The following TRAPPC11 variants were observed in gnomAD, a reference collection of about 807,000 sequenced individuals.
TRAPPC11 encodes foie gras homolog.
Under a neutral mutation model 151.2 loss-of-function variants are expected in TRAPPC11, and 104 were observed. That is an observed-to-expected ratio of 0.69 (90% confidence interval 0.59 to 0.81). The LOEUF (loss-of-function observed/expected upper bound fraction) is 0.81. Ranked by LOEUF, TRAPPC11 falls within the 30% of genes least tolerant of loss-of-function variation. The pLI, the probability that TRAPPC11 is intolerant of heterozygous loss-of-function variation, is 0.00. For synonymous variants in TRAPPC11, 456 were observed against 472.3 expected (o/e 0.97, Z 0.45); for missense variants, 1,230 against 1,349.6 (o/e 0.91, Z 1.39).
chr4:183,670,203 A>G (rs1579165373), intron 5 of TRAPPC11, among the ~76,000 whole-genome samples: 1 of 152,214 alleles, frequency 6.6e-6, no homozygotes, highest in Admixed American at 6.5e-5. Flanking sequence ...TTACCTATAC[A>G]TGCTACAATG....
intron 5 of TRAPPC11, among the ~76,000 whole-genome samples, chr4:183,671,017 A>G (rs1660024544): frequency 6.6e-6 from 1 of 152,130 alleles, no homozygotes; most frequent in Non-Finnish European, 1.5e-5. Flanking sequence ...GGCGTGAGCC[A>G]CCATGCCTGG....
rs1736255602 is a variant in TRAPPC11, at chr4:183,691,462, G to T, written c.2040G>T (p.Lys680Asn). 2 of 1,493,276 alleles carry T rather than the reference G, an allele frequency of 1.3e-6. No homozygotes were observed. Among genetic ancestry groups the T allele is most frequent in the Non-Finnish European group, 1.8e-6 (2 of 1,105,818 alleles). The allele number at this position is 1,493,276 out of a possible 1,614,324, so 92.5% of individuals were successfully genotyped here. A position where few individuals can be genotyped will look rare whatever the true frequency, so the allele number is the denominator to read the frequency against. Residue 680 changes from lysine (K) to asparagine (N), a missense_variant, in exon 19 of 30, where the codon AAG (lysine) becomes AAT (asparagine). Transcript: ENST00000334690. ...TTGCAAAAACTGAAGATGTGGGAAA[G>T]AAAATTGAGGTTAGTTATGAAATTT... Reference protein sequence around the residue: ...KFVAKTEDVGKKIEITSVDLA... With the variant: ...KFVAKTEDVGNKIEITSVDLA...
At chr4:183,692,099 A>G (rs1354065840) in intron 19 of TRAPPC11, among the ~76,000 whole-genome samples, 1 of 152,184 alleles carries the variant, frequency 6.6e-6, no homozygotes, top group African/African-American at 2.4e-5. Flanking sequence ...TTTGTGTCTC[A>G]GTGTATTCAT....
chr4:183,706,758 TGGG>T, intron 27 of TRAPPC11, 46 bp from the exon 28 acceptor site: 2 of 1,580,818 alleles, frequency 1.3e-6, no homozygotes, highest in Admixed American at 3.5e-5. Flanking sequence ...AAGCCATAAG[TGGG>T]GAGCTATTTT....
chr4:183,710,196 C>T (rs184534014), intron 29 of TRAPPC11, among the ~76,000 whole-genome samples: 2 of 152,266 alleles, frequency 1.3e-5, no homozygotes, highest in Admixed American at 1.3e-4. Context: ...AAACCTAATC[C>T]CAGCTAATGC....
rs150841053 is a variant in TRAPPC11 at position 183,686,976 on chromosome 4, C to T, written c.1893+228C>T. The stretch of plus-strand genomic sequence containing the variant: ...CAGGCAGATCACAAGGTCAAGAGAT[C>T]GAGACCAGCCTGGCCAACATGGTGA... On this transcript the variant is annotated intron_variant, in intron 18 of 29. Coordinates refer to ENST00000334690, the MANE Select transcript of TRAPPC11 (RefSeq NM_021942.6). Among the ~76,000 whole-genome samples, 214 of 152,112 alleles carry T rather than the reference C, an allele frequency of 1.4e-3. 2 individuals carry two copies. In the East Asian group the frequency reaches 0.034, roughly 24 times the overall value.
At chr4:183,697,876 T>C (rs562344224) in intron 25 of TRAPPC11, 41 bp downstream of exon 25, 1 of 1,567,304 alleles carries the variant, frequency 6.4e-7, no homozygotes, top group Non-Finnish European at 8.7e-7. Context: ...AGGAGAATTG[T>C]GCGCGCGTGT....
chr4:183,710,323 G>A (rs1048273861), intron 29 of TRAPPC11, among the ~76,000 whole-genome samples: 1 of 150,646 alleles, frequency 6.6e-6, no homozygotes, highest in Non-Finnish European at 1.5e-5. Flanking sequence ...GTCTTGCTCT[G>A]TTGCCCAGGC....
rs1318143355 is a variant in TRAPPC11, at chr4:183,659,356, G to C, written c.-113G>C. On this transcript the variant is annotated 5_prime_UTR_variant, in exon 1 of 30. Transcript: ENST00000334690. ...GGCTGCGGCGGTGGGGACGGGCCAC[G>C]GCGTTCTGTGACATCCCCCCGCCTC... is the stretch of plus-strand genomic sequence containing the variant. 1 of 184,072 alleles carries C rather than the reference G, an allele frequency of 5.4e-6. No individual in the cohort carries two copies. The highest frequency in any genetic ancestry group is 2.3e-5 in the African/African-American group (1 of 42,718). 11.4% of individuals were successfully genotyped at this position (184,072 alleles called of 1,614,324 possible).
At chr4:183,706,333 C>A (rs1433198924) in intron 27 of TRAPPC11, among the ~76,000 whole-genome samples, 1 of 152,118 alleles carries the variant, frequency 6.6e-6, no homozygotes, top group African/African-American at 2.4e-5. Context: ...ACCATCCTGG[C>A]TAACACGGTG....
Position 183,693,952 on chromosome 4 carries a change from A to T in TRAPPC11, c.2422A>T (p.Thr808Ser), listed in dbSNP as rs184925550. The T allele has an allele frequency of 1.2e-5, 19 of 1,613,774 alleles. No homozygotes were observed. The East Asian group carries it at 4.0e-4, about 34-fold the overall frequency. The part of the protein sequence containing the change: ...DANLTQKTHV[T>S]LHGTELCDES... ...CAATTTAACTCAGAAGACTCACGTG[A>T]CTCTTCATGGAACAGAACTGTGTGA... The change falls in exon 22 of 30, where the codon ACT becomes TCT. Residue 808 changes from threonine to serine, a missense_variant. Thr to Ser is a moderately conservative substitution (Grantham distance 58, BLOSUM62 1). Coordinates refer to ENST00000334690, the MANE Select transcript of TRAPPC11 (RefSeq NM_021942.6).
At chr4:183,671,150 G>A (rs1232471668) in intron 5 of TRAPPC11, among the ~76,000 whole-genome samples, 1 of 152,202 alleles carries the variant, frequency 6.6e-6, no homozygotes, top group Non-Finnish European at 1.5e-5. Context: ...ACATTCATGA[G>A]CCACTGTTCC....
chr4:183,685,222 T>C (rs1194159484), intron 16 of TRAPPC11, 49 bp from the exon 17 acceptor site: 2 of 1,609,088 alleles, frequency 1.2e-6, no homozygotes, highest in African/African-American at 1.3e-5. Context: ...ATCCAAGTAG[T>C]GGTTTTTATT....
chr4:183,683,740 C>A (rs539762769), intron 11 of TRAPPC11: 61 of 520,320 alleles, frequency 1.2e-4, no homozygotes, highest in African/African-American at 8.0e-4. Flanking sequence ...CTTTTCAGAT[C>A]GTTGATTCCA....
intron 10 of TRAPPC11, among the ~76,000 whole-genome samples, chr4:183,680,479 C>T (rs1390828560): frequency 6.6e-6 from 1 of 152,078 alleles, no homozygotes; most frequent in South Asian, 2.1e-4. Context: ...CTTTGAAGAA[C>T]TAATTTTTGG....
At chr4:183,673,622 CTT>C (rs1193257634) in intron 5 of TRAPPC11, among the ~76,000 whole-genome samples, 2 of 151,966 alleles carry the variant, frequency 1.3e-5, no homozygotes, top group Non-Finnish European at 1.5e-5. Context: ...TGTGGTGAGA[CTT>C]GATTGCACCA....
Position 183,677,552 on chromosome 4 carries a change from A to G in TRAPPC11, c.829A>G (p.Lys277Glu), listed in dbSNP as rs368689327. 14 of 1,511,794 alleles carry G rather than the reference A, an allele frequency of 9.3e-6. No individual in the cohort carries two copies. The highest frequency in any genetic ancestry group is 2.8e-5 in the African/African-American group (2 of 72,616). The allele number at this position is 1,511,794 out of a possible 1,614,324, so 93.6% of individuals were successfully genotyped here. ...IKTMAGFINY[K>E]ICRLCFQHNT... ...GACTATGGCAGGATTTATAAACTAC[A>G]AGGTAATAATTCTGCTTCCAAATAC... Residue 277 changes from lysine (K) to glutamate (E), a missense_variant and splice_region_variant, in exon 8 of 30, where the codon AAG becomes GAG. Lys to Glu is a moderately conservative substitution (Grantham distance 56, BLOSUM62 1). Coordinates refer to ENST00000334690, the MANE Select transcript of TRAPPC11 (RefSeq NM_021942.6).
At chr4:183,699,894 G>A (rs757991594) in intron 25 of TRAPPC11, among the ~76,000 whole-genome samples, 8 of 151,586 alleles carry the variant, frequency 5.3e-5, no homozygotes, top group East Asian at 1.9e-4. Context: ...GCACGATCTC[G>A]GCTTACTGCA....
At chr4:183,665,031 A>G (rs1223022726) in intron 2 of TRAPPC11, among the ~76,000 whole-genome samples, 1 of 151,770 alleles carries the variant, frequency 6.6e-6, no homozygotes, top group Non-Finnish European at 1.5e-5. Context: ...GAGCTCTCTG[A>G]AATTGTGCAA....
Sources: gnomAD v4.1 joint callset for allele counts (sites outside exome capture counted in the v4.1 genomes callset) on GRCh38, gnomAD v4.1.1 for gene constraint, MANE v1.5 for transcripts, NCBI Gene and HGNC (gene_info 2026-07-23, HGNC 2026-07-21) for gene names.